The following PEX16 variants were observed in gnomAD, a reference collection of about 807,000 sequenced individuals.
PEX16 encodes peroxisomal biogenesis factor 16.
A neutral mutation model predicts 50.5 loss-of-function variants in PEX16; 37 were observed. That is an observed-to-expected ratio of 0.73 (90% confidence interval 0.56 to 0.96). The LOEUF (loss-of-function observed/expected upper bound fraction) is 0.96. PEX16 is among the 40% of genes least tolerant of loss of function. The pLI is 0.00. For missense variants in PEX16, 401 were observed against 438.3 expected (o/e 0.91, Z 0.76); for synonymous variants, 185 against 190.3 (o/e 0.97, Z 0.23).
intron 9 of PEX16, among the ~76,000 whole-genome samples, 182 bp downstream of exon 9, chr11:45,913,637 T>A (rs926396634): frequency 2.0e-5 from 3 of 152,252 alleles, no homozygotes; most frequent in Admixed American, 2.0e-4. Flanking sequence ...TCAAGTGGCC[T>A]GATGGCCCAG....
intron 6 of PEX16, 62 bp from the exon 7 acceptor site, chr11:45,914,530 G>A (rs553575684): frequency 2.5e-6 from 4 of 1,611,144 alleles, no homozygotes; most frequent in East Asian, 2.2e-5. Context: ...GAAGGTGGCT[G>A]CTGACCAAAG....
chr11:45,910,408 C>T, intron 10 of PEX16, 96 bp from the exon 11 acceptor site: 11 of 1,027,844 alleles, frequency 1.1e-5, no homozygotes, highest in Non-Finnish European at 1.7e-5. Flanking sequence ...AGGAGCCAGC[C>T]CAGCTGGCTG....
At chr11:45,913,238 C>A (rs1046226202) in intron 9 of PEX16, among the ~76,000 whole-genome samples, 7 of 152,182 alleles carry the variant, frequency 4.6e-5, no homozygotes, top group Non-Finnish European at 7.3e-5. Context: ...TGTGGTCTAA[C>A]CTCAAGCAGT....
Position 45,916,289 on chromosome 11 carries a change from T to C in PEX16, c.163A>G (p.Asn55Asp). ...CCGTCATTGAGCAGCACAAGCAGGT[T>C]AGAGGCAGAGTACACTGAGGGGTAG... ...ELSELVYSAS[N>D]LLVLLNDGIL... is the part of the protein sequence containing the mutation. Residue 55 changes from asparagine to aspartate, a missense_variant, in exon 3 of 11, where the codon AAC (asparagine) becomes GAC (aspartate). Coordinates refer to ENST00000378750, the MANE Select transcript of PEX16 (RefSeq NM_004813.4). 1 of 1,613,932 alleles carries C rather than the reference T, an allele frequency of 6.2e-7. No homozygotes were observed. Among genetic ancestry groups the C allele is most frequent in the Non-Finnish European group, 8.5e-7 (1 of 1,179,990 alleles).
chr11:45,911,112 C>T, intron 9 of PEX16, 150 bp from the exon 10 acceptor site: 1 of 661,742 alleles, frequency 1.5e-6, no homozygotes, highest in South Asian at 1.7e-5. Flanking sequence ...AGGACAAAGC[C>T]CGGTACACAA....
Position 45,914,686 on chromosome 11 carries a change from T to C in PEX16, c.461-2A>G. 1 of 1,613,256 alleles carries C rather than the reference T, an allele frequency of 6.2e-7. No individual in the cohort carries two copies. The highest frequency in any genetic ancestry group is 8.5e-7 in the Non-Finnish European group (1 of 1,179,286). ...GGTTGCCAGGGCTGTGGTCACCATC[T>C]AGCAGGGATAGACAGAAGGCCATAC... On this transcript the variant is annotated splice_acceptor_variant, in intron 5 of 10. Transcript: ENST00000378750. LOFTEE classifies it high-confidence loss of function.
intron 10 of PEX16, 99 bp from the exon 11 acceptor site, chr11:45,910,411 G>A: frequency 7.9e-6 from 8 of 1,008,744 alleles, no homozygotes; most frequent in Non-Finnish European, 1.3e-5. Context: ...AGCCAGCCCA[G>A]CTGGCTGTCT....
intron 9 of PEX16, among the ~76,000 whole-genome samples, chr11:45,911,650 C>T (rs896666851): frequency 6.6e-6 from 1 of 152,182 alleles, no homozygotes; most frequent in Non-Finnish European, 1.5e-5. Context: ...GAGGCACAGG[C>T]GCATCAAATA....
At chr11:45,913,338 G>A (rs72902484) in intron 9 of PEX16, among the ~76,000 whole-genome samples, 25,176 of 151,988 alleles carry the variant, frequency 0.17, 2,431 homozygotes, top group South Asian at 0.21. Context: ...CTGGACCCTC[G>A]CAGGTGACTG....
rs1287709761 is a variant in PEX16, at chr11:45,916,280, C to A, written c.172G>T (p.Val58Leu). 1.2e-6 allele frequency: 2 copies of A among 1,613,896 alleles called. No individual in the cohort carries two copies. The highest frequency in any genetic ancestry group is 1.7e-5 in the Admixed American group (1 of 60,002). The change falls in exon 3 of 11, where the codon GTG becomes TTG. Residue 58 changes from valine to leucine, a missense_variant. Transcript: ENST00000378750. ...CGTAGGATCCCGTCATTGAGCAGCA[C>A]AAGCAGGTTAGAGGCAGAGTACACT... is the stretch of plus-strand genomic sequence containing the variant. ...ELVYSASNLL[V>L]LLNDGILRKE... is the part of the protein sequence containing the mutation.
upstream of PEX16, chr11:45,918,116 G>A (rs886048332): frequency 1.5e-5 from 7 of 482,418 alleles, no homozygotes; most frequent in South Asian, 1.5e-4. Context: ...CAGCTCTTCC[G>A]TTTACCGGGT....
Position 45,915,375 on chromosome 11 carries a change from A to C in PEX16, c.460+93T>G, listed in dbSNP as rs1272865267. The C allele has an allele frequency of 1.4e-5, 13 of 928,832 alleles. 1 individual carries two copies. The South Asian group carries it at 1.7e-4, about 12-fold the overall frequency. 57.5% of individuals were successfully genotyped at this position (928,832 alleles called of 1,614,324 possible). A position where few individuals can be genotyped will look rare whatever the true frequency, so the allele number is the denominator to read the frequency against. On this transcript the variant is annotated intron_variant, in intron 5 of 10. Transcript: ENST00000378750. ...GTTGATAGGGACAGGCGTGCTCCATAAACAGATACTACTGTATTCATGCTG... is the reference window on the plus strand; with the variant it reads ...GTTGATAGGGACAGGCGTGCTCCATCAACAGATACTACTGTATTCATGCTG...
intron 2 of PEX16, 117 bp from the exon 3 acceptor site, chr11:45,916,420 TG>T: frequency 1.4e-6 from 1 of 709,722 alleles, no homozygotes; most frequent in Non-Finnish European, 2.5e-6. Context: ...CCACAGACTA[TG>T]TGGAAACCAA....
At position 45,915,792 on chromosome 11, in the gene PEX16, C is replaced by T; in HGVS notation, c.270G>A (p.Glu90=). Residue 90 remains glutamate, a synonymous_variant, in exon 4 of 11, where the codon GAG becomes GAA. Transcript: ENST00000378750. Reference sequence around the variant, plus strand: ...CCATCTCCATGAACACCTCCACGCACTCCAGCACGCTCAGCCATGTCAGCA... The same window carrying T: ...CCATCTCCATGAACACCTCCACGCATTCCAGCACGCTCAGCCATGTCAGCA... ...QKLLTWLSVL[E]CVEVFMEMGA... 1 of 1,613,946 alleles carries T rather than the reference C, an allele frequency of 6.2e-7. No individual in the cohort carries two copies. The highest frequency in any genetic ancestry group is 8.5e-7 in the Non-Finnish European group (1 of 1,179,966).
At position 45,914,333 on chromosome 11, in the gene PEX16, G is replaced by A. The variant is rs1203060168; in HGVS notation, c.677C>T (p.Ala226Val). 1 of 1,612,836 alleles carries A rather than the reference G, an allele frequency of 6.2e-7. No individual in the cohort carries two copies. ...QETIAEFLYI[A>V]RPLLHLLSLG... is the part of the protein sequence containing the mutation. ...AAGGATACAGTGCAGCAGCGGCCGG[G>A]CAATGTACAAAAACTCTGCGATGGT... is the stretch of plus-strand genomic sequence containing the variant. Residue 226 changes from alanine to valine, a missense_variant, in exon 7 of 11, where the codon GCC becomes GTC. By Grantham distance (64) the Ala-to-Val change is moderately conservative. Coordinates refer to ENST00000378750, the MANE Select transcript of PEX16 (RefSeq NM_004813.4).
rs534742565 is a variant in PEX16 at position 45,912,024 on chromosome 11, C to CA, written c.888-1063dup. 21 of 151,662 alleles carry CA rather than the reference C, an allele frequency of 1.4e-4. No individual in the cohort carries two copies. In the South Asian group the frequency reaches 3.1e-3, roughly 23 times the overall value. The allele number at this position is 151,662 out of a possible 1,614,324, so 9.4% of individuals were successfully genotyped here. On this transcript the variant is annotated intron_variant, in intron 9 of 10. Transcript: ENST00000378750. Reference sequence around the variant, plus strand: ...GGGCAACGTGAGTGAAACTCCGTCCCAAAAAACAAAAGAAAAGAAAAGAAG... The same window carrying CA: ...GGGCAACGTGAGTGAAACTCCGTCCCAAAAAAACAAAAGAAAAGAAAAGAAG...
intron 3 of PEX16, 44 bp downstream of exon 3, chr11:45,916,183 C>G (rs372257644): frequency 7.0e-7 from 1 of 1,421,290 alleles, no homozygotes; most frequent in Non-Finnish European, 1.0e-6. Context: ...TATTTCATTC[C>G]TGAGTCCCCA....
intron 2 of PEX16, chr11:45,916,946 A>C (rs1007908599): frequency 6.6e-6 from 3 of 452,882 alleles, no homozygotes; most frequent in African/African-American, 6.0e-5. Context: ...CTGGGATTAC[A>C]AGTGTGAGCC....
chr11:45,910,022 G>A lies in PEX16; in HGVS notation c.*232C>T. The A allele has an allele frequency of 2.4e-5, 34 of 1,415,198 alleles. No individual in the cohort carries two copies. The highest frequency in any genetic ancestry group is 3.4e-5 in the Non-Finnish European group (34 of 1,005,584). The allele number at this position is 1,415,198 out of a possible 1,614,324, so 87.7% of individuals were successfully genotyped here. ...GAGAGGAGCCTGGATCCCACTCCTA[G>A]TGAAGGCTTCTTGGCCCAGCAGTGA... On this transcript the variant is annotated 3_prime_UTR_variant, in exon 11 of 11. Transcript: ENST00000378750.
Sources: allele counts gnomAD v4.1 joint callset (sites outside exome capture counted in the v4.1 genomes callset), GRCh38; gene constraint gnomAD v4.1.1; transcripts MANE v1.5; gene names NCBI Gene and HGNC (gene_info 2026-07-23, HGNC 2026-07-21).